TMEM87B: variants seen among roughly 807,000 people sequenced by gnomAD.
The protein encoded by TMEM87B is transmembrane protein 87B.
Under a neutral mutation model 80.3 loss-of-function variants are expected in TMEM87B, and 83 were observed. The ratio of observed to expected loss-of-function variants is 1.03; its 90% CI spans 0.87 to 1.24. The LOEUF (loss-of-function observed/expected upper bound fraction) is 1.24, where lower values mean the gene tolerates loss of function less well. Among genes scored for constraint, TMEM87B ranks in the 50% most tolerant of loss-of-function variants. TMEM87B has a pLI of 0.00. For missense variants in TMEM87B, 625 were observed against 674.4 expected, an observed-to-expected ratio of 0.93 and a Z score of 0.81; for synonymous variants, 219 against 230.5, an observed-to-expected ratio of 0.95 and a Z score of 0.45.
chr2:112,083,896 A>G (rs1419300068), intron 8 of TMEM87B, among the ~76,000 whole-genome samples: 1 of 152,204 alleles, frequency 6.6e-6, no homozygotes, highest in Non-Finnish European at 1.5e-5. Flanking sequence ...ATCATTTTAG[A>G]TAGACCCTTT....
intron 1 of TMEM87B, among the ~76,000 whole-genome samples, chr2:112,058,295 T>A (rs140014207): frequency 6.6e-6 from 1 of 152,244 alleles, no homozygotes; most frequent in Non-Finnish European, 1.5e-5. Flanking sequence ...GCCTTGAGCC[T>A]GAGGCCAGAG....
At chr2:112,075,108 T>C in intron 5 of TMEM87B, 146 bp downstream of exon 5, 1 of 1,314,216 alleles carries the variant, frequency 7.6e-7, no homozygotes, top group Non-Finnish European at 1.0e-6. Context: ...TTTAAAACCG[T>C]ATGTTTTCAG....
chr2:112,104,642 G>A (rs192147464), intron 15 of TMEM87B, among the ~76,000 whole-genome samples: 25 of 152,270 alleles, frequency 1.6e-4, no homozygotes, highest in Admixed American at 1.6e-3. Context: ...TAGCATGACC[G>A]CTTTAGAAAG....
At chr2:112,090,243 A>T (rs1336283445) in intron 10 of TMEM87B, among the ~76,000 whole-genome samples, 3 of 152,050 alleles carry the variant, frequency 2.0e-5, no homozygotes, top group African/African-American at 7.2e-5. Flanking sequence ...GGGGAAGATG[A>T]CTCTGGATGT....
At chr2:112,085,768 G>A (rs537656185) in intron 8 of TMEM87B, among the ~76,000 whole-genome samples, 307 of 152,358 alleles carry the variant, frequency 2.0e-3, no homozygotes, top group Non-Finnish European at 3.4e-3. Flanking sequence ...CGGGCTGATA[G>A]AAGAAAGCTG....
chr2:112,056,296 C>T (rs889862716), intron 1 of TMEM87B, among the ~76,000 whole-genome samples: 2 of 151,974 alleles, frequency 1.3e-5, no homozygotes, highest in Admixed American at 1.3e-4. Context: ...CTCTATTTCT[C>T]TCTTCTTGAG....
At chr2:112,112,785 G>T (rs1679953029) in intron 17 of TMEM87B, 114 bp from the exon 18 acceptor site, 4 of 960,786 alleles carry the variant, frequency 4.2e-6, no homozygotes, top group Non-Finnish European at 6.5e-6. Flanking sequence ...TGTCACCTGT[G>T]GATACCCAGG....
At chr2:112,057,146 C>A (rs1466340194) in intron 1 of TMEM87B, among the ~76,000 whole-genome samples, 1 of 152,180 alleles carries the variant, frequency 6.6e-6, no homozygotes, top group African/African-American at 2.4e-5. Flanking sequence ...CCTGGGCCGC[C>A]AGAAGTCTAA....
intron 6 of TMEM87B, 39 bp downstream of exon 6, chr2:112,077,321 T>C: frequency 9.0e-7 from 1 of 1,113,402 alleles, no homozygotes; most frequent in Middle Eastern, 2.0e-4. Flanking sequence ...GTCTGCATTT[T>C]CTGTATTCTG....
At chr2:112,067,179 G>A (rs1383261795) in intron 4 of TMEM87B, 112 bp downstream of exon 4, 2 of 1,403,192 alleles carry the variant, frequency 1.4e-6, no homozygotes, top group African/African-American at 2.9e-5. Context: ...GACTTGCCAT[G>A]TTAAAATAAA....
intron 17 of TMEM87B, among the ~76,000 whole-genome samples, chr2:112,110,373 T>TA (rs1679878851): frequency 6.6e-6 from 1 of 152,222 alleles, no homozygotes; most frequent in Non-Finnish European, 1.5e-5. Context: ...GCTTTGTTTT[T>TA]ATCTACTTCT....
At chr2:112,073,096 C>T (rs1269576934) in intron 4 of TMEM87B, among the ~76,000 whole-genome samples, 8 of 151,980 alleles carry the variant, frequency 5.3e-5, no homozygotes, top group South Asian at 2.1e-4. Flanking sequence ...GATGAGGTTT[C>T]GCCATGTTGG....
intron 1 of TMEM87B, 135 bp downstream of exon 1, chr2:112,055,891 C>T (rs1439388042): frequency 5.9e-6 from 7 of 1,189,804 alleles, no homozygotes; most frequent in African/African-American, 1.6e-5. Flanking sequence ...CTCCCTGAGC[C>T]TTTTGTCTGT....
chr2:112,081,082 T>C lies in TMEM87B; in HGVS notation c.618T>C (p.His206=). 1 of 1,612,960 alleles carries C rather than the reference T, an allele frequency of 6.2e-7. No homozygotes were observed. The change falls in exon 7 of 19, where the codon CAT becomes CAC. Residue 206 remains histidine, a synonymous_variant. Coordinates refer to ENST00000283206, the MANE Select transcript of TMEM87B (RefSeq NM_032824.3). The part of the protein sequence containing the change: ...LNVSLSMIGP[H]GYISASDWPL... ...TTTCTCTTTCTATGATTGGGCCTCA[T>C]GGATATATCTCTGCATCAGATTGGC...
intron 15 of TMEM87B, among the ~76,000 whole-genome samples, chr2:112,102,890 A>G (rs888131176): frequency 1.3e-5 from 2 of 152,208 alleles, no homozygotes; most frequent in Admixed American, 6.5e-5. Context: ...GATTAGGGAT[A>G]AAGTGCAAGG....
intron 4 of TMEM87B, among the ~76,000 whole-genome samples, chr2:112,073,209 A>C (rs1263179373): frequency 6.6e-6 from 1 of 152,102 alleles, no homozygotes; most frequent in African/African-American, 2.4e-5. Context: ...CACCCAGCCA[A>C]GATCTTTTTA....
intron 3 of TMEM87B, among the ~76,000 whole-genome samples, chr2:112,065,699 C>T (rs938551633): frequency 6.7e-6 from 1 of 149,356 alleles, no homozygotes; most frequent in African/African-American, 2.5e-5. Context: ...TCTTTTAGAG[C>T]AGGCGCCCCC....
At chr2:112,061,111 G>C (rs944965174) in intron 2 of TMEM87B, among the ~76,000 whole-genome samples, 1 of 152,128 alleles carries the variant, frequency 6.6e-6, no homozygotes, top group South Asian at 2.1e-4. Context: ...AGAGTTTTAA[G>C]GTTGATAAAA....
At chr2:112,062,651 T>C (rs974039337) in intron 2 of TMEM87B, among the ~76,000 whole-genome samples, 1 of 152,256 alleles carries the variant, frequency 6.6e-6, no homozygotes, top group Admixed American at 6.5e-5. Flanking sequence ...GAGGACGTTG[T>C]AGTCCTTTAA....
Sources: gnomAD v4.1 joint callset for allele counts (sites outside exome capture counted in the v4.1 genomes callset) on GRCh38, gnomAD v4.1.1 for gene constraint, MANE v1.5 for transcripts, NCBI Gene and HGNC (gene_info 2026-07-23, HGNC 2026-07-21) for gene names.